The following C2CD2 variants were observed in gnomAD, a reference collection of about 807,000 sequenced individuals.
C2CD2 encodes the protein C2 domain-containing protein 2.
C2CD2 carries 43 observed loss-of-function variants against 74.3 expected under a neutral mutation model. That is an observed-to-expected ratio of 0.58 (90% confidence interval 0.45 to 0.75). The LOEUF is 0.75. C2CD2 is among the 30% of genes least tolerant of loss of function. C2CD2 has a pLI of 0.00. For synonymous variants in C2CD2, 422 were observed against 390.7 expected (o/e 1.08, Z -0.94); for missense variants, 801 against 916.3 (o/e 0.87, Z 1.63).
chr21:41,936,815 C>CTTTTTT (rs34112713), intron 2 of C2CD2, among the ~76,000 whole-genome samples: 6 of 103,006 alleles, frequency 5.8e-5, no homozygotes, highest in African/African-American at 1.6e-4. Context: ...TTTTCTTTTC[C>CTTTTTT]TTTTTTTTTT....
At chr21:41,912,489 A>ATT (rs1365493346) in intron 6 of C2CD2, 49 bp from the exon 7 acceptor site, 10 of 822,236 alleles carry the variant, frequency 1.2e-5, no homozygotes, top group East Asian at 6.6e-5. Context: ...TTTATTATTT[A>ATT]TTTATTTTTT....
chr21:41,944,500 C>A (rs1450447976), intron 1 of C2CD2, among the ~76,000 whole-genome samples: 2 of 116,542 alleles, frequency 1.7e-5, no homozygotes, highest in South Asian at 2.7e-4. Context: ...TGAGCCTGGG[C>A]GACAGAGCGA....
chr21:41,931,670 C>T (rs143348734), intron 2 of C2CD2, among the ~76,000 whole-genome samples: 3,748 of 150,344 alleles, frequency 0.025, 332 homozygotes, highest in East Asian at 0.097. Flanking sequence ...ATCCACCTGC[C>T]TCAGCCTCCC....
intron 1 of C2CD2, chr21:41,952,963 T>C (rs1372071777): frequency 1.6e-5 from 3 of 185,576 alleles, no homozygotes; most frequent in Non-Finnish European, 2.2e-5. Context: ...TTCAGCTCTA[T>C]GAGAGGCGGA....
chr21:41,941,837 T>C (rs1052935521), intron 2 of C2CD2, among the ~76,000 whole-genome samples: 1 of 152,204 alleles, frequency 6.6e-6, no homozygotes, highest in Admixed American at 6.5e-5. Context: ...TTCTGGATGG[T>C]TCATATAAAT....
Position 41,885,680 on chromosome 21 carries a change from T to C in C2CD2, c.*3444A>G, listed in dbSNP as rs1461666398. 6.6e-6 allele frequency: 1 copy of C among 152,628 alleles called. No individual in the cohort carries two copies. The highest frequency in any genetic ancestry group is 1.5e-5 in the Non-Finnish European group (1 of 68,056). The allele number at this position is 152,628 out of a possible 1,614,324, so 9.5% of individuals were successfully genotyped here. A position where few individuals can be genotyped will look rare whatever the true frequency, so the allele number is the denominator to read the frequency against. On this transcript the variant is annotated 3_prime_UTR_variant, in exon 14 of 14. Transcript: ENST00000380486. ...ATCCACCAATTTGTACTCTGAAGTTTCCAGATCAAGAGCCGTGAGATTACT... is the reference window on the plus strand; with the variant it reads ...ATCCACCAATTTGTACTCTGAAGTTCCCAGATCAAGAGCCGTGAGATTACT...
rs574733916 is a variant in C2CD2, at chr21:41,934,267, A to T, written c.378+7880T>A. On this transcript the variant is annotated intron_variant, in intron 2 of 13. Coordinates refer to ENST00000380486, the MANE Select transcript of C2CD2 (RefSeq NM_015500.2). ...ACAAAGTGAGACCCCATTTCTACAG[A>T]AAAAATAAAAAAACTAGCCGGGCAT... 9.1e-4 allele frequency among the ~76,000 whole-genome samples: 139 copies of T among 152,152 alleles called. 1 individual carries two copies. Among genetic ancestry groups the T allele is most frequent in the African/African-American group, 3.3e-3 (135 of 41,502 alleles).
At chr21:41,925,063 T>C (rs375694982) in intron 2 of C2CD2, among the ~76,000 whole-genome samples, 1 of 152,258 alleles carries the variant, frequency 6.6e-6, no homozygotes. Flanking sequence ...ATGTGTGATG[T>C]CTTTTCATAG....
chr21:41,919,030 G>T, intron 3 of C2CD2, 70 bp from the exon 4 acceptor site: 3 of 976,024 alleles, frequency 3.1e-6, no homozygotes, highest in Non-Finnish European at 4.8e-6. Flanking sequence ...GCGTGTGCAT[G>T]TGACTGTGTG....
chr21:41,894,040 C>A (rs1489550710), intron 13 of C2CD2, among the ~76,000 whole-genome samples: 1 of 152,210 alleles, frequency 6.6e-6, no homozygotes, highest in Non-Finnish European at 1.5e-5. Flanking sequence ...TGCCAGAAAC[C>A]AGATTATGGT....
chr21:41,914,076 A>C (rs971443799), intron 6 of C2CD2, among the ~76,000 whole-genome samples: 1 of 152,106 alleles, frequency 6.6e-6, no homozygotes, highest in Non-Finnish European at 1.5e-5. Context: ...AAAAATACAA[A>C]ATAGCCAGGC....
At chr21:41,947,112 T>TTCTCTCCCTCTCTCTCTCTCCC (rs1555906756) in intron 1 of C2CD2, among the ~76,000 whole-genome samples, 2 of 26,150 alleles carry the variant, frequency 7.6e-5, no homozygotes, top group African/African-American at 1.7e-4. Context: ...CCTTTCTCTT[T>TTCTCTCCCTCTCTCTCTCTCCC]TCTCTCTCTC....
At chr21:41,893,445 T>C (rs112002949) in intron 13 of C2CD2, among the ~76,000 whole-genome samples, 3,555 of 152,312 alleles carry the variant, frequency 0.023, 144 homozygotes, top group African/African-American at 0.081. Context: ...ATAGCAAGGA[T>C]TGCAGCCTGC....
At position 41,897,514 on chromosome 21, in the gene C2CD2, G is replaced by A. The variant is rs527811792; in HGVS notation, c.1870+1539C>T. Among the ~76,000 whole-genome samples the A allele has an allele frequency of 2.3e-4, 35 of 152,304 alleles. No homozygotes were observed. The South Asian group carries it at 4.6e-3, about 20-fold the overall frequency. ...AGGAGCACAGGAGCCTGCCACAGAG[G>A]TCAGCGTGCAGCTTACAGCCCTCAA... On this transcript the variant is annotated intron_variant, in intron 13 of 13. Coordinates refer to ENST00000380486, the MANE Select transcript of C2CD2 (RefSeq NM_015500.2).
chr21:41,953,540 C>T lies in C2CD2; in HGVS notation c.109G>A (p.Ala37Thr). Residue 37 changes from alanine to threonine, a missense_variant, in exon 1 of 14, where the codon GCG (alanine) becomes ACG (threonine). Physicochemically the swap from Ala to Thr is moderately conservative, Grantham distance 58 (BLOSUM62 0). Transcript: ENST00000380486. ...GGCTGGGGTCGCGCCCTGGCCAGCGCCCACTGCGCCAGGTACAGGCCTACC... is the reference window on the plus strand; with the variant it reads ...GGCTGGGGTCGCGCCCTGGCCAGCGTCCACTGCGCCAGGTACAGGCCTACC... The part of the protein sequence containing the change: ...ATVGLYLAQW[A>T]LARARPQPQR... 1 of 1,479,374 alleles carries T rather than the reference C, an allele frequency of 6.8e-7. No homozygotes were observed. Among genetic ancestry groups the T allele is most frequent in the Non-Finnish European group, 8.9e-7 (1 of 1,120,988 alleles). The allele number at this position is 1,479,374 out of a possible 1,614,324, so 91.6% of individuals were successfully genotyped here.
chr21:41,931,539 C>T (rs1325981355), intron 2 of C2CD2, among the ~76,000 whole-genome samples: 13 of 148,988 alleles, frequency 8.7e-5, no homozygotes, highest in Admixed American at 8.1e-4. Context: ...TCCCCTGCCT[C>T]AGCCTCCCAA....
At chr21:41,933,637 G>A (rs753553913) in intron 2 of C2CD2, among the ~76,000 whole-genome samples, 12 of 152,218 alleles carry the variant, frequency 7.9e-5, no homozygotes, top group East Asian at 1.9e-4. Context: ...CCAAGCACCC[G>A]AGGGTGTTCT....
rs2065426861 is a variant in C2CD2 at position 41,948,894 on chromosome 21, T to TTTTTTTTTTG, written c.279+4475_279+4476insCAAAAAAAAA. On this transcript the variant is annotated intron_variant, in intron 1 of 13. Transcript: ENST00000380486. ...TCTTTTTTTTTTTTTTTTTTTTTTCTTTTTTTTTACAAAGACCATAATGAT... is the reference window on the plus strand; with the variant it reads ...TCTTTTTTTTTTTTTTTTTTTTTTCTTTTTTTTTTGTTTTTTTTACAAAGACCATAATGAT... 1.7e-5 allele frequency among the ~76,000 whole-genome samples: 2 copies of TTTTTTTTTTG among 115,052 alleles called. 1 individual carries two copies. The highest frequency in any genetic ancestry group is 3.6e-5 in the Non-Finnish European group (2 of 56,314). The allele number at this position is 115,052 out of a possible 152,430, so 75.5% of individuals were successfully genotyped here.
chr21:41,950,462 G>A (rs1033261492), intron 1 of C2CD2, among the ~76,000 whole-genome samples: 1 of 152,264 alleles, frequency 6.6e-6, no homozygotes, highest in Non-Finnish European at 1.5e-5. Context: ...AATACGGGGA[G>A]TCAGTGCTGC....
Sources: gnomAD v4.1 joint callset for allele counts (sites outside exome capture counted in the v4.1 genomes callset) on GRCh38, gnomAD v4.1.1 for gene constraint, MANE v1.5 for transcripts, NCBI Gene and HGNC (gene_info 2026-07-23, HGNC 2026-07-21) for gene names.